The following ARHGAP39 variants were observed in gnomAD, a reference collection of about 807,000 sequenced individuals.
ARHGAP39 encodes Rho GTPase activating protein 39.
ARHGAP39 carries 44 observed loss-of-function variants against 106.9 expected under a neutral mutation model. The ratio of observed to expected loss-of-function variants is 0.41; its 90% CI spans 0.32 to 0.53. The LOEUF (loss-of-function observed/expected upper bound fraction) is 0.53. ARHGAP39 is among the 20% of genes least tolerant of loss of function. The probability of loss-of-function intolerance (pLI) is 0.21; values close to 1 mark genes in which losing one functional copy is unlikely to be tolerated. For missense variants in ARHGAP39, 1,496 were observed against 1,577.3 expected (o/e 0.95, Z 0.87); for synonymous variants, 768 against 693.2 (o/e 1.11, Z -1.69).
intron 1 of ARHGAP39, among the ~76,000 whole-genome samples, chr8:144,640,757 A>C (rs1410805673): frequency 6.6e-6 from 1 of 152,250 alleles, no homozygotes; most frequent in Non-Finnish European, 1.5e-5. Context: ...ACATTGTTGA[A>C]AACGAAGCCG....
chr8:144,628,875 T>G (rs774850810), intron 1 of ARHGAP39, among the ~76,000 whole-genome samples: 9 of 152,232 alleles, frequency 5.9e-5, no homozygotes, highest in Non-Finnish European at 8.8e-5. Context: ...GCGATTCTTG[T>G]GATGGCAGGC....
At chr8:144,637,900 G>A (rs1224256865) in intron 1 of ARHGAP39, among the ~76,000 whole-genome samples, 1 of 149,146 alleles carries the variant, frequency 6.7e-6, no homozygotes, top group African/African-American at 2.5e-5. Context: ...TTGCTATGTT[G>A]CTTAGGCTGG....
In ARHGAP39 at chr8:144,547,664, G is replaced by A; in HGVS notation, c.1422C>T (p.Ser474=). The change falls in exon 5 of 12, where the codon TCC becomes TCT. Residue 474 remains serine (S), a synonymous_variant. Coordinates refer to ENST00000377307, the MANE Select transcript of ARHGAP39 (RefSeq NM_025251.3). This position sits in a 1 kb window ranked among gnomAD's most constrained non-coding sequence, Gnocchi z 5.2. ...ACAGGGTGTCCTGCTGGCTGGACCA[G>A]GACATGGCATCCTCCTGGGCCTGTG... ...PLPQAQEDAM[S]WSSQQDTLSS... 2 of 1,561,448 alleles carry A rather than the reference G, an allele frequency of 1.3e-6. No homozygotes were observed. The highest frequency in any genetic ancestry group is 1.7e-6 in the Non-Finnish European group (2 of 1,157,776).
intron 1 of ARHGAP39, among the ~76,000 whole-genome samples, chr8:144,664,003 C>T (rs750341519): frequency 2.6e-5 from 4 of 151,950 alleles, no homozygotes; most frequent in Non-Finnish European, 5.9e-5. Flanking sequence ...CCTGTCGCTA[C>T]GAAAAATACA....
chr8:144,554,365 C>G (rs1041767519), intron 4 of ARHGAP39, among the ~76,000 whole-genome samples: 2 of 152,224 alleles, frequency 1.3e-5, no homozygotes, highest in Non-Finnish European at 2.9e-5. Context: ...CCTCACCTCA[C>G]CTGGGACACT....
chr8:144,575,262 C>T (rs1818730362), intron 3 of ARHGAP39, among the ~76,000 whole-genome samples: 1 of 152,150 alleles, frequency 6.6e-6, no homozygotes, highest in Admixed American at 6.5e-5. Context: ...TACACTTCGG[C>T]CACACTCAAT....
At chr8:144,570,080 G>A (rs1283382173) in intron 3 of ARHGAP39, among the ~76,000 whole-genome samples, 2 of 152,208 alleles carry the variant, frequency 1.3e-5, no homozygotes, top group East Asian at 3.8e-4. Flanking sequence ...AATTAACCAG[G>A]CGTGGTGGCT....
At chr8:144,570,245 A>G (rs1364424405) in intron 3 of ARHGAP39, among the ~76,000 whole-genome samples, 1 of 152,158 alleles carries the variant, frequency 6.6e-6, no homozygotes, top group Non-Finnish European at 1.5e-5. Context: ...CAAAGAAACA[A>G]ACAAACAAAA....
rs867881543 is a variant in ARHGAP39, at chr8:144,620,503, G to A, written c.-81-14808C>T. ...TGTCTGTTAGCCTGTGTGTCCAAGG[G>A]AGCACGTGTGCCCGTGTGAGCCTGT... On this transcript the variant is annotated intron_variant, in intron 1 of 11. Transcript: ENST00000377307. 6.4e-4 allele frequency among the ~76,000 whole-genome samples: 95 copies of A among 147,352 alleles called. 1 individual carries two copies. The highest frequency in any genetic ancestry group is 3.4e-3 in the Middle Eastern group (1 of 290).
chr8:144,665,574 C>A lies in ARHGAP39; in HGVS notation c.-82+20112G>T, dbSNP rs533831984. Among the ~76,000 whole-genome samples, 3 of 152,320 alleles carry A rather than the reference C, an allele frequency of 2.0e-5. No homozygotes were observed. The East Asian group carries it at 5.8e-4, about 29-fold the overall frequency. On this transcript the variant is annotated intron_variant, in intron 1 of 11. Coordinates refer to ENST00000377307, the MANE Select transcript of ARHGAP39 (RefSeq NM_025251.3). ...CTATGTGCAGCCTAGGGACTTGGTG[C>A]CCTCTGTCCCAGCCTCTCCAATCGT...
chr8:144,601,831 G>A (rs531774772), intron 2 of ARHGAP39, among the ~76,000 whole-genome samples: 66 of 140,174 alleles, frequency 4.7e-4, no homozygotes, highest in Middle Eastern at 8.8e-3. Context: ...GTGTGTGCTC[G>A]TGTACCTGTG....
chr8:144,635,352 G>A (rs1343119748), intron 1 of ARHGAP39, among the ~76,000 whole-genome samples: 1 of 152,190 alleles, frequency 6.6e-6, no homozygotes, highest in Non-Finnish European at 1.5e-5. Flanking sequence ...CAAAAGGACA[G>A]CGTTCAAGAA....
At chr8:144,580,460 T>C (rs1012895562) in intron 3 of ARHGAP39, among the ~76,000 whole-genome samples, 5 of 152,260 alleles carry the variant, frequency 3.3e-5, no homozygotes, top group Non-Finnish European at 7.4e-5. Flanking sequence ...AGCGCCAGGC[T>C]CTGCTGCCCA....
At chr8:144,563,399 C>G (rs1818276844) in intron 3 of ARHGAP39, among the ~76,000 whole-genome samples, 1 of 152,108 alleles carries the variant, frequency 6.6e-6, no homozygotes, top group African/African-American at 2.4e-5. Context: ...TTCGCAGTGG[C>G]AAAGTTTTAT....
At chr8:144,609,620 T>G (rs1215565309) in intron 1 of ARHGAP39, among the ~76,000 whole-genome samples, 1 of 152,094 alleles carries the variant, frequency 6.6e-6, no homozygotes, top group Non-Finnish European at 1.5e-5. Flanking sequence ...GCCAGGCTGG[T>G]CTTGAATTCC....
rs1819203119 is a variant in ARHGAP39 at position 144,586,915 on chromosome 8, T to C, written c.81-5638A>G. ...GTCCCCACCCAAATCTCCTCCTGAG[T>C]TGTAGTTCCCACAACCCCCAAGTGT... On this transcript the variant is annotated intron_variant, in intron 2 of 11. Transcript: ENST00000377307. This position sits in a 1 kb window ranked among gnomAD's most constrained non-coding sequence, Gnocchi z 4.2. Among the ~76,000 whole-genome samples, 1 of 152,106 alleles carries C rather than the reference T, an allele frequency of 6.6e-6. No individual in the cohort carries two copies. The highest frequency in any genetic ancestry group is 1.5e-5 in the Non-Finnish European group (1 of 67,996).
chr8:144,629,898 G>T (rs548136906), intron 1 of ARHGAP39, among the ~76,000 whole-genome samples: 1 of 152,098 alleles, frequency 6.6e-6, no homozygotes, highest in Non-Finnish European at 1.5e-5. Flanking sequence ...TGGCAAAGGC[G>T]GCACCTCCCA....
chr8:144,610,277 C>A (rs947569308), intron 1 of ARHGAP39, among the ~76,000 whole-genome samples: 66 of 152,104 alleles, frequency 4.3e-4, no homozygotes, highest in African/African-American at 1.5e-3. Context: ...ACAGCTTAAT[C>A]GTTTTTTTTC....
Position 144,547,783 on chromosome 8 carries a change from G to T in ARHGAP39, c.1303C>A (p.Leu435Met). 6.3e-7 allele frequency: 1 copy of T among 1,597,256 alleles called. No individual in the cohort carries two copies. The change falls in exon 5 of 12, where the codon CTG (leucine) becomes ATG (methionine). Residue 435 changes from leucine to methionine, a missense_variant. Coordinates refer to ENST00000377307, the MANE Select transcript of ARHGAP39 (RefSeq NM_025251.3). This position sits in a 1 kb window ranked among gnomAD's most constrained non-coding sequence, Gnocchi z 5.2. ...GSYSLQPSPC[L>M]LRDQRLGVKS... Reference sequence around the variant, plus strand: ...ACGCCCAGGCGCTGGTCCCTCAGCAGGCAGGGGCTGGGCTGCAAGGAGTAC... The same window carrying T: ...ACGCCCAGGCGCTGGTCCCTCAGCATGCAGGGGCTGGGCTGCAAGGAGTAC...
Sources: gnomAD v4.1 joint callset for allele counts (sites outside exome capture counted in the v4.1 genomes callset) on GRCh38, gnomAD v4.1.1 for gene constraint, Gnocchi (gnomAD v3.1) non-coding constraint, MANE v1.5 for transcripts, NCBI Gene and HGNC (gene_info 2026-07-23, HGNC 2026-07-21) for gene names.